ATOSA: variants seen among roughly 807,000 people sequenced by gnomAD.
ATOSA encodes the protein atos homolog protein A.
At chr15:52,638,830 A>T in the ATOSA span, among the ~76,000 whole-genome samples, 1 of 152,124 alleles carries the variant, frequency 6.6e-6, no homozygotes. Context: ...CTGCTCTAAA[A>T]ACAAACCTTA....
the ATOSA span, chr15:52,587,460 C>A: frequency 9.3e-6 from 3 of 323,888 alleles, no homozygotes; most frequent in South Asian, 5.5e-5. Context: ...CTCAAAATTA[C>A]TATTAAGATA....
the ATOSA span, among the ~76,000 whole-genome samples, chr15:52,662,125 C>CTA: frequency 6.6e-6 from 1 of 152,082 alleles, no homozygotes; most frequent in Non-Finnish European, 1.5e-5. Context: ...TCTTAGTGCT[C>CTA]TACCACAATA....
the ATOSA span, among the ~76,000 whole-genome samples, chr15:52,664,811 G>A: frequency 1.3e-5 from 2 of 152,022 alleles, no homozygotes; most frequent in African/African-American, 2.4e-5. Context: ...GGTGGTGTGC[G>A]CCTATAGTTT....
At chr15:52,683,378 T>C in the ATOSA span, among the ~76,000 whole-genome samples, 3 of 152,200 alleles carry the variant, frequency 2.0e-5, no homozygotes, top group African/African-American at 7.2e-5. Context: ...AGTTAAATAA[T>C]TTCAAAATTT....
chr15:52,700,704 A>G, the ATOSA span, among the ~76,000 whole-genome samples: 1 of 152,208 alleles, frequency 6.6e-6, no homozygotes, highest in Admixed American at 6.5e-5. Flanking sequence ...GCAGTATGTT[A>G]TTATTGTTTT....
chr15:52,704,091 A>G, the ATOSA span, among the ~76,000 whole-genome samples: 1 of 152,196 alleles, frequency 6.6e-6, no homozygotes, highest in Admixed American at 6.5e-5. Context: ...AATAGGAAGG[A>G]CATATCAGAA....
the ATOSA span, chr15:52,609,110 G>C: frequency 9.3e-6 from 15 of 1,613,358 alleles, no homozygotes; most frequent in Non-Finnish European, 1.3e-5. Context: ...CTTTTGTTCT[G>C]TGTCTCCTGA....
chr15:52,684,221 G>A, the ATOSA span, among the ~76,000 whole-genome samples: 4 of 152,184 alleles, frequency 2.6e-5, no homozygotes, highest in East Asian at 5.8e-4. Flanking sequence ...AAACTGAATT[G>A]TTAATTTTAA....
At chr15:52,684,040 C>T in the ATOSA span, among the ~76,000 whole-genome samples, 1 of 152,202 alleles carries the variant, frequency 6.6e-6, no homozygotes, top group South Asian at 2.1e-4. Flanking sequence ...GATGGACTGA[C>T]TTCCAATTCT....
At chr15:52,700,403 C>T in the ATOSA span, among the ~76,000 whole-genome samples, 5 of 152,080 alleles carry the variant, frequency 3.3e-5, no homozygotes, top group South Asian at 2.1e-4. Context: ...GGGTCTCTGC[C>T]CCCTCTCCTC....
chr15:52,588,517 C>CTTG, the ATOSA span, among the ~76,000 whole-genome samples: 1 of 152,180 alleles, frequency 6.6e-6, no homozygotes, highest in African/African-American at 2.4e-5. Context: ...TGGCTCACTG[C>CTTG]AACCCTTGCC....
chr15:52,593,815 C>T, the ATOSA span: 1 of 1,354,144 alleles, frequency 7.4e-7, no homozygotes, highest in Non-Finnish European at 1.0e-6. Context: ...GAAATATACA[C>T]TTAGTCTAAA....
At chr15:52,654,608 T>C in the ATOSA span, among the ~76,000 whole-genome samples, 2 of 152,186 alleles carry the variant, frequency 1.3e-5, no homozygotes, top group African/African-American at 4.8e-5. Flanking sequence ...GGTCGTTAAG[T>C]ATGTTCTCTA....
At chr15:52,588,659 T>C in the ATOSA span, among the ~76,000 whole-genome samples, 3 of 152,156 alleles carry the variant, frequency 2.0e-5, no homozygotes, top group Non-Finnish European at 2.9e-5. Context: ...TTCTACCATG[T>C]TGTCCAGGCT....
At chr15:52,585,593 G>A in the ATOSA span, among the ~76,000 whole-genome samples, 1 of 152,008 alleles carries the variant, frequency 6.6e-6, no homozygotes, top group Admixed American at 6.6e-5. Context: ...CTCATACATG[G>A]AATCATTTCA....
At chr15:52,595,940 A>G in the ATOSA span, among the ~76,000 whole-genome samples, 1 of 151,966 alleles carries the variant, frequency 6.6e-6, no homozygotes, top group African/African-American at 2.4e-5. Context: ...GCAGGGCCCT[A>G]TTTCTACAAA....
the ATOSA span, among the ~76,000 whole-genome samples, chr15:52,605,950 TTAA>T: frequency 3.9e-5 from 6 of 151,986 alleles, no homozygotes; most frequent in African/African-American, 1.2e-4. Flanking sequence ...CAATAAGAGA[TTAA>T]TGATAATAAT....
chr15:52,602,936 T>C, the ATOSA span, among the ~76,000 whole-genome samples: 1 of 152,212 alleles, frequency 6.6e-6, no homozygotes, highest in Non-Finnish European at 1.5e-5. Flanking sequence ...TTTTTCTTTC[T>C]TGCTCTTACA....
At chr15:52,647,912 T>C in the ATOSA span, among the ~76,000 whole-genome samples, 3 of 152,292 alleles carry the variant, frequency 2.0e-5, no homozygotes, top group East Asian at 3.9e-4. Flanking sequence ...TATTTAGCCA[T>C]GCACTTACCC....
Sources: gnomAD v4.1 joint callset for allele counts (sites outside exome capture counted in the v4.1 genomes callset) on GRCh38, gnomAD v4.1.1 for gene constraint, MANE v1.5 for transcripts, NCBI Gene and HGNC (gene_info 2026-07-23, HGNC 2026-07-21) for gene names.